Variants in PRKN observed in about 807,000 individuals in gnomAD.
The protein encoded by PRKN is E3 ubiquitin-protein ligase parkin.
PRKN carries 56 observed loss-of-function variants against 59.5 expected under a neutral mutation model. That is an observed-to-expected ratio of 0.94 (90% CI 0.76 to 1.18). PRKN has a LOEUF of 1.18. Ranked by LOEUF, PRKN falls within the 50% of genes most tolerant of loss-of-function variation. The pLI is 0.00. For missense variants in PRKN, 657 were observed against 596.4 expected (o/e 1.10, Z -1.06); for synonymous variants, 250 against 222.1 (o/e 1.13, Z -1.12).
At chr6:162,159,275 C>T (rs1438231024) in intron 4 of PRKN, among the ~76,000 whole-genome samples, 3 of 152,166 alleles carry the variant, frequency 2.0e-5, no homozygotes, top group Non-Finnish European at 4.4e-5. Flanking sequence ...TGCAACAGAA[C>T]TTAATGTTTC....
At chr6:161,813,185 T>G (rs902026014) in intron 6 of PRKN, among the ~76,000 whole-genome samples, 1 of 152,174 alleles carries the variant, frequency 6.6e-6, no homozygotes, top group African/African-American at 2.4e-5. Context: ...TTGGATTTCC[T>G]AAAGGAGAGG....
Position 161,451,495 on chromosome 6 carries a change from C to A in PRKN, c.1084-64618G>T, listed in dbSNP as rs1012839304. Among the ~76,000 whole-genome samples, 1 of 152,194 alleles carries A rather than the reference C, an allele frequency of 6.6e-6. No individual in the cohort carries two copies. Among genetic ancestry groups the A allele is most frequent in the African/African-American group, 2.4e-5 (1 of 41,442 alleles). On this transcript the variant is annotated intron_variant, in intron 9 of 11. Coordinates refer to ENST00000366898, the MANE Select transcript of PRKN (RefSeq NM_004562.3). The surrounding 1 kb of genome is among the most constrained non-coding windows in gnomAD (Gnocchi z 5.9). ...CAGGAGGCAACGCAGCCTCAGGATACCACCTGCCCACGGCCCACCTGAGGG... is the reference window on the plus strand; with the variant it reads ...CAGGAGGCAACGCAGCCTCAGGATAACACCTGCCCACGGCCCACCTGAGGG...
chr6:161,709,054 C>G (rs1191951468), intron 7 of PRKN, among the ~76,000 whole-genome samples: 2 of 152,146 alleles, frequency 1.3e-5, no homozygotes, highest in Admixed American at 6.5e-5. Flanking sequence ...TTCTACTTAA[C>G]TTTAAAGAGT....
rs1562355543 is a variant in PRKN, at chr6:161,874,598, A to AT, written c.735-88691_735-88690insA. ...ATTATGTAAAATATATATTGTATGT[A>AT]AAATATATATTACATATAATATGTG... is the stretch of plus-strand genomic sequence containing the variant. On this transcript the variant is annotated intron_variant, in intron 6 of 11. Transcript: ENST00000366898. 1.1e-3 allele frequency among the ~76,000 whole-genome samples: 120 copies of AT among 113,822 alleles called. 4 individuals are homozygous for AT. Among genetic ancestry groups the AT allele is most frequent in the African/African-American group, 4.3e-3 (116 of 26,898 alleles). The allele number at this position is 113,822 out of a possible 152,430, so 74.7% of individuals were successfully genotyped here.
intron 1 of PRKN, among the ~76,000 whole-genome samples, chr6:162,713,493 C>CAAAA (rs373942233): frequency 2.7e-3 from 218 of 80,150 alleles, no homozygotes; most frequent in African/African-American, 4.0e-3. Flanking sequence ...GACTCCACCT[C>CAAAA]AAAAAAAAAA....
chr6:161,653,053 A>G (rs904432035), intron 7 of PRKN, among the ~76,000 whole-genome samples: 1 of 152,242 alleles, frequency 6.6e-6, no homozygotes, highest in African/African-American at 2.4e-5. Context: ...CTGATTCTTT[A>G]GAAGTATGTG....
In PRKN at chr6:162,149,037, G is replaced by A. The variant is rs1266633154; in HGVS notation, c.534+52094C>T. Among the ~76,000 whole-genome samples, 4 of 151,968 alleles carry A rather than the reference G, an allele frequency of 2.6e-5. No homozygotes were observed. The South Asian group carries it at 6.2e-4, about 24-fold the overall frequency. ...AGATATGGATTTCTTGGCACAAATAGGGTAGTGAGAAGTGAAATATTACTA... is the reference window on the plus strand; with the variant it reads ...AGATATGGATTTCTTGGCACAAATAAGGTAGTGAGAAGTGAAATATTACTA... On this transcript the variant is annotated intron_variant, in intron 4 of 11. Coordinates refer to ENST00000366898, the MANE Select transcript of PRKN (RefSeq NM_004562.3).
At chr6:161,464,297 G>A (rs528071042) in intron 9 of PRKN, among the ~76,000 whole-genome samples, 1 of 152,216 alleles carries the variant, frequency 6.6e-6, no homozygotes, top group East Asian at 1.9e-4. Context: ...TACAGGCGTG[G>A]GCCACCATGC....
intron 1 of PRKN, chr6:162,568,351 T>C (rs6914377): frequency 0.53 from 191,432 of 361,178 alleles, 52,219 homozygotes; most frequent in East Asian, 0.72. Context: ...CCTGGTTCAA[T>C]CCACTTGCCT....
intron 4 of PRKN, among the ~76,000 whole-genome samples, chr6:162,200,306 T>C (rs1396519416): frequency 2.2e-4 from 33 of 151,992 alleles, no homozygotes; most frequent in Admixed American, 2.2e-3. Context: ...AACCTGACAC[T>C]TTCTATCGGG....
In PRKN at chr6:162,443,367, A is replaced by G; in HGVS notation, c.114T>C (p.Ala38=). 1 of 1,613,646 alleles carries G rather than the reference A, an allele frequency of 6.2e-7. No homozygotes were observed. Among genetic ancestry groups the G allele is most frequent in the Non-Finnish European group, 8.5e-7 (1 of 1,180,028 alleles). ...EVVAKRQGVP[A]DQLRVIFAGK... Reference sequence around the variant, plus strand: ...CTGCGAAAATCACACGCAACTGGTCAGCCGGAACCCCCTGTCGCTTAGCAA... The same window carrying G: ...CTGCGAAAATCACACGCAACTGGTCGGCCGGAACCCCCTGTCGCTTAGCAA... Residue 38 remains alanine, a synonymous_variant, in exon 2 of 12, where the codon GCT becomes GCC. Transcript: ENST00000366898.
intron 1 of PRKN, among the ~76,000 whole-genome samples, chr6:162,719,630 C>A (rs148812751): frequency 6.6e-6 from 1 of 152,108 alleles, no homozygotes; most frequent in Non-Finnish European, 1.5e-5. Flanking sequence ...CAGACAATTC[C>A]CAATCTAGGG....
At chr6:162,032,762 T>G (rs1485611864) in intron 5 of PRKN, among the ~76,000 whole-genome samples, 1 of 152,176 alleles carries the variant, frequency 6.6e-6, no homozygotes, top group African/African-American at 2.4e-5. Flanking sequence ...GAAAGCCCCA[T>G]GAGACAATGA....
At chr6:162,317,806 G>C (rs535557954) in intron 2 of PRKN, among the ~76,000 whole-genome samples, 1 of 152,182 alleles carries the variant, frequency 6.6e-6, no homozygotes, top group East Asian at 2.0e-4. Context: ...TATATCCTGG[G>C]AAGGACAGAC....
At chr6:162,540,074 C>T (rs541722019) in intron 1 of PRKN, among the ~76,000 whole-genome samples, 2 of 152,164 alleles carry the variant, frequency 1.3e-5, no homozygotes, top group East Asian at 3.9e-4. Context: ...CACCACCATG[C>T]CCAGCTAATT....
chr6:161,819,969 A>G (rs1791951907), intron 6 of PRKN, among the ~76,000 whole-genome samples: 1 of 152,200 alleles, frequency 6.6e-6, no homozygotes, highest in Non-Finnish European at 1.5e-5. Context: ...ATTAGTAATA[A>G]GTAACACTGA....
intron 2 of PRKN, among the ~76,000 whole-genome samples, chr6:162,268,404 G>A (rs1276695071): frequency 6.6e-6 from 1 of 152,120 alleles, no homozygotes; most frequent in Non-Finnish European, 1.5e-5. Flanking sequence ...ACAACAAGAA[G>A]GCCCTCACCA....
intron 5 of PRKN, among the ~76,000 whole-genome samples, chr6:161,985,779 C>T (rs1781413072): frequency 6.6e-6 from 1 of 152,156 alleles, no homozygotes; most frequent in African/African-American, 2.4e-5. Context: ...TCCCACCTCA[C>T]CTGCCCACCT....
At chr6:162,274,192 T>A (rs2023091) in intron 2 of PRKN, among the ~76,000 whole-genome samples, 10,169 of 151,882 alleles carry the variant, frequency 0.067, 948 homozygotes, top group East Asian at 0.46. Flanking sequence ...TGTATTTATT[T>A]ATTTATTTAT....
Sources: gnomAD v4.1 joint callset for allele counts (sites outside exome capture counted in the v4.1 genomes callset) on GRCh38, gnomAD v4.1.1 for gene constraint, Gnocchi (gnomAD v3.1) non-coding constraint, MANE v1.5 for transcripts, NCBI Gene and HGNC (gene_info 2026-07-23, HGNC 2026-07-21) for gene names.